The following PACSIN2 variants were observed in gnomAD, a reference collection of about 807,000 sequenced individuals.
PACSIN2 encodes protein kinase C and casein kinase substrate in neurons 2, also known as protein kinase C and casein kinase substrate in neurons protein 2.
Under a neutral mutation model 63.8 loss-of-function variants are expected in PACSIN2, and 25 were observed. The ratio of observed to expected loss-of-function variants is 0.39; its 90% CI spans 0.29 to 0.55. The LOEUF (loss-of-function observed/expected upper bound fraction) is 0.55, where lower values mean the gene tolerates loss of function less well. PACSIN2 is among the 20% of genes least tolerant of loss of function. The pLI is 0.62. For synonymous variants in PACSIN2, 255 were observed against 256.2 expected, an observed-to-expected ratio of 1.00 and a Z score of 0.05; for missense variants, 518 against 646.9, an observed-to-expected ratio of 0.80 and a Z score of 2.16.
At chr22:42,874,578 A>G (rs1569201878) in intron 10 of PACSIN2, among the ~76,000 whole-genome samples, 1 of 152,102 alleles carries the variant, frequency 6.6e-6, no homozygotes, top group Non-Finnish European at 1.5e-5. Flanking sequence ...GCCAAGTGCT[A>G]CTCTGGGGTC....
intron 10 of PACSIN2, among the ~76,000 whole-genome samples, chr22:42,873,045 C>T (rs1003936232): frequency 1.3e-5 from 2 of 152,272 alleles, no homozygotes; most frequent in South Asian, 2.1e-4. Context: ...CAGAACACCG[C>T]AAGAGACGTA....
At chr22:42,951,880 C>T (rs1159729386) in intron 1 of PACSIN2, among the ~76,000 whole-genome samples, 6 of 152,328 alleles carry the variant, frequency 3.9e-5, no homozygotes, top group Admixed American at 2.0e-4. Context: ...ACTCTGGCTA[C>T]AGTGACCTCC....
chr22:42,994,983 G>A (rs548956569), intron 1 of PACSIN2, among the ~76,000 whole-genome samples: 3 of 152,252 alleles, frequency 2.0e-5, no homozygotes, highest in Admixed American at 1.3e-4. Flanking sequence ...TGCCTTGCCC[G>A]TTTAGACTGG....
chr22:42,949,762 G>A (rs2146824507), intron 1 of PACSIN2, among the ~76,000 whole-genome samples: 1 of 152,036 alleles, frequency 6.6e-6, no homozygotes, highest in South Asian at 2.1e-4. Flanking sequence ...AAATTTGTCA[G>A]TTTGGCTGTC....
In PACSIN2 at chr22:42,876,973, G is replaced by C. The variant is rs1928686687; in HGVS notation, c.1066C>G (p.Gln356Glu). 2.5e-6 allele frequency: 4 copies of C among 1,614,162 alleles called. No homozygotes were observed. Among genetic ancestry groups the C allele is most frequent in the Non-Finnish European group, 3.4e-6 (4 of 1,180,004 alleles). The change falls in exon 9 of 11, where the codon CAG becomes GAG. Residue 356 changes from glutamine (Q) to glutamate (E), a missense_variant. This residue lies in a region of PACSIN2 where 507 missense variants were observed against 612.3 expected (regional missense o/e 0.83). Transcript: ENST00000263246. ...NVPSNPAQSAQSQSSYNPFED... is the reference protein window; with the variant it reads ...NVPSNPAQSAESQSSYNPFED... Reference sequence around the variant, plus strand: ...AAGGGGTTGTAGCTGGACTGTGACTGCGCAGACTGGGCGGGGTTGCTCGGG... The same window carrying C: ...AAGGGGTTGTAGCTGGACTGTGACTCCGCAGACTGGGCGGGGTTGCTCGGG...
intron 1 of PACSIN2, among the ~76,000 whole-genome samples, chr22:42,924,814 T>C (rs1216765580): frequency 6.6e-6 from 1 of 151,610 alleles, no homozygotes; most frequent in East Asian, 1.9e-4. Flanking sequence ...TGAAGCGCAG[T>C]GGCACGATCT....
chr22:42,991,013 C>T (rs1159478978), intron 1 of PACSIN2, among the ~76,000 whole-genome samples: 4 of 152,208 alleles, frequency 2.6e-5, no homozygotes, highest in Non-Finnish European at 5.9e-5. Context: ...GGGTTCTATA[C>T]ACAAAGTGCT....
chr22:42,951,998 G>A (rs566641475), intron 1 of PACSIN2, among the ~76,000 whole-genome samples: 9 of 152,296 alleles, frequency 5.9e-5, no homozygotes, highest in African/African-American at 2.2e-4. Context: ...CCCAGCATCA[G>A]ATATTTGCTC....
intron 1 of PACSIN2, among the ~76,000 whole-genome samples, chr22:42,975,233 G>C (rs1477420981): frequency 2.0e-5 from 3 of 152,048 alleles, no homozygotes; most frequent in Admixed American, 2.0e-4. Flanking sequence ...ACAAGTTTTA[G>C]TACTTTCACA....
At chr22:42,918,908 C>T (rs1209845507) in intron 1 of PACSIN2, among the ~76,000 whole-genome samples, 1 of 152,154 alleles carries the variant, frequency 6.6e-6, no homozygotes, top group Non-Finnish European at 1.5e-5. Context: ...TGAAGAAACA[C>T]ATAAGCTGAG....
At chr22:42,942,100 C>CTTT (rs11404921) in intron 1 of PACSIN2, among the ~76,000 whole-genome samples, 26 of 132,168 alleles carry the variant, frequency 2.0e-4, no homozygotes, top group African/African-American at 6.5e-4. Context: ...TTTAAGAGTT[C>CTTT]TTTTTTTTTT....
intron 1 of PACSIN2, among the ~76,000 whole-genome samples, chr22:43,000,942 G>A (rs1184196010): frequency 6.6e-6 from 1 of 152,160 alleles, no homozygotes; most frequent in East Asian, 1.9e-4. Flanking sequence ...TGACTCTCAG[G>A]CAAGGCCCAG....
chr22:42,904,375 G>C (rs1211448981), intron 2 of PACSIN2, among the ~76,000 whole-genome samples: 1 of 152,234 alleles, frequency 6.6e-6, no homozygotes, highest in Non-Finnish European at 1.5e-5. Flanking sequence ...CACCCAGCAA[G>C]TGGCAGGAAT....
At chr22:43,013,117 A>C (rs1249558516) in intron 1 of PACSIN2, among the ~76,000 whole-genome samples, 1 of 152,196 alleles carries the variant, frequency 6.6e-6, no homozygotes, top group Non-Finnish European at 1.5e-5. Flanking sequence ...TCACATCACA[A>C]CTTCATATAC....
chr22:43,010,394 A>G (rs893451140), intron 1 of PACSIN2, among the ~76,000 whole-genome samples: 7 of 68,180 alleles, frequency 1.0e-4, no homozygotes, highest in Non-Finnish European at 2.1e-4. Context: ...ACATATATAT[A>G]TATATTTTTT....
intron 7 of PACSIN2, among the ~76,000 whole-genome samples, chr22:42,880,052 G>A (rs1306883017): frequency 1.3e-5 from 2 of 152,246 alleles, no homozygotes; most frequent in South Asian, 4.1e-4. Context: ...AGAAGAGTCT[G>A]TGCATGCCCG....
intron 1 of PACSIN2, among the ~76,000 whole-genome samples, chr22:42,967,937 T>G (rs1205507058): frequency 6.6e-6 from 1 of 152,232 alleles, no homozygotes; most frequent in Non-Finnish European, 1.5e-5. Context: ...GGTACTTTAC[T>G]GAGTGCATAT....
At position 42,896,671 on chromosome 22, in the gene PACSIN2, C is replaced by T. The variant is rs1039906155; in HGVS notation, c.61-3058G>A. 3.3e-5 allele frequency among the ~76,000 whole-genome samples: 5 copies of T among 152,130 alleles called. No homozygotes were observed. In the East Asian group the frequency reaches 5.8e-4, roughly 18 times the overall value. On this transcript the variant is annotated intron_variant, in intron 2 of 10. Transcript: ENST00000263246. The stretch of plus-strand genomic sequence containing the variant: ...CCTAGGAATGGAAATGTTAACTGTA[C>T]GTTTAACAAAACTGCCGAACTGCTA...
At chr22:42,906,520 C>T (rs533322725) in intron 2 of PACSIN2, among the ~76,000 whole-genome samples, 1 of 152,302 alleles carries the variant, frequency 6.6e-6, no homozygotes, top group East Asian at 1.9e-4. Context: ...CCCTGATCTG[C>T]CCCATAGGAC....
Sources: allele counts gnomAD v4.1 joint callset (sites outside exome capture counted in the v4.1 genomes callset), GRCh38; gene constraint gnomAD v4.1.1; regional missense constraint gnomAD v4.1.1; transcripts MANE v1.5; gene names NCBI Gene and HGNC (gene_info 2026-07-23, HGNC 2026-07-21).